The following DLGAP5 variants were observed in gnomAD, a reference collection of about 807,000 sequenced individuals.
The protein encoded by DLGAP5 is DLG associated protein 5.
DLGAP5 carries 90 observed loss-of-function variants against 99.6 expected under a neutral mutation model. That is an observed-to-expected ratio of 0.90 (90% CI 0.76 to 1.08). The LOEUF (loss-of-function observed/expected upper bound fraction) is 1.08, where lower values mean the gene tolerates loss of function less well. DLGAP5 is among the 50% of genes least tolerant of loss of function. DLGAP5 has a pLI of 0.00. For missense variants in DLGAP5, 1,036 were observed against 983.5 expected (o/e 1.05, Z -0.71); for synonymous variants, 311 against 321.3 (o/e 0.97, Z 0.34).
chr14:55,152,770 G>T, intron 15 of DLGAP5, 123 bp from the exon 16 acceptor site: 1 of 734,804 alleles, frequency 1.4e-6, no homozygotes, highest in Non-Finnish European at 2.1e-6. Flanking sequence ...GGAGCCTGGT[G>T]CAAGATCAGG....
At chr14:55,188,273 T>C (rs1002368092) in intron 2 of DLGAP5, among the ~76,000 whole-genome samples, 1 of 152,188 alleles carries the variant, frequency 6.6e-6, no homozygotes, top group African/African-American at 2.4e-5. Context: ...TTCTGTAGCA[T>C]CCTTTGCCTT....
chr14:55,176,119 G>A (rs1317471360), intron 8 of DLGAP5, 101 bp from the exon 9 acceptor site: 1 of 1,060,456 alleles, frequency 9.4e-7, no homozygotes, highest in East Asian at 2.5e-5. Flanking sequence ...GGCTAAAATA[G>A]AAATGTTTCT....
At chr14:55,181,372 G>T in intron 4 of DLGAP5, 75 bp from the exon 5 acceptor site, 1 of 1,217,772 alleles carries the variant, frequency 8.2e-7, no homozygotes, top group South Asian at 1.4e-5. Context: ...TCTGTAAATT[G>T]ATTCCTCATA....
At chr14:55,150,945 T>C in intron 17 of DLGAP5, 97 bp from the exon 18 acceptor site, 1 of 767,802 alleles carries the variant, frequency 1.3e-6, no homozygotes, top group South Asian at 1.7e-5. Context: ...AAGTTCCACA[T>C]ATCAAATGCT....
chr14:55,164,618 C>A (rs1305417124), intron 12 of DLGAP5, among the ~76,000 whole-genome samples: 2 of 151,200 alleles, frequency 1.3e-5, no homozygotes, highest in African/African-American at 2.4e-5. Context: ...GTCAAAATCA[C>A]AACATAAAAG....
intron 12 of DLGAP5, among the ~76,000 whole-genome samples, chr14:55,168,190 T>C (rs1312182307): frequency 6.6e-6 from 1 of 152,144 alleles, no homozygotes; most frequent in Non-Finnish European, 1.5e-5. Flanking sequence ...TGGGCTCAAG[T>C]GATCCTCCCA....
chr14:55,151,209 C>T (rs1882005393), intron 17 of DLGAP5, among the ~76,000 whole-genome samples: 1 of 152,218 alleles, frequency 6.6e-6, no homozygotes, highest in Admixed American at 6.5e-5. Flanking sequence ...AAAACTGGCA[C>T]ACATTATAAC....
intron 2 of DLGAP5, among the ~76,000 whole-genome samples, chr14:55,187,691 C>T (rs7159490): frequency 0.17 from 26,235 of 151,454 alleles, 3,425 homozygotes; most frequent in African/African-American, 0.37. Context: ...AGTGACTTTT[C>T]ACAGGCACCA....
Position 55,173,900 on chromosome 14 carries a change from CCTGTAATAA to C in DLGAP5, c.1301+1437_1301+1445del, listed in dbSNP as rs1358950060. On this transcript the variant is annotated intron_variant, in intron 10 of 18. Coordinates refer to ENST00000247191, the MANE Select transcript of DLGAP5 (RefSeq NM_014750.5). Reference sequence around the variant, plus strand: ...AGGAGGATGTATGTCACCTCAGGACCCTGTAATAACTGTATTAACTGCACAAATTGTACA... The same window carrying C: ...AGGAGGATGTATGTCACCTCAGGACCCTGTATTAACTGCACAAATTGTACA... Among the ~76,000 whole-genome samples the C allele has an allele frequency of 4.6e-5, 7 of 152,144 alleles. No individual in the cohort carries two copies. The East Asian group carries it at 1.2e-3, about 25-fold the overall frequency.
At chr14:55,154,587 T>TA (rs1401693182) in intron 15 of DLGAP5, 30 bp downstream of exon 15, 1 of 1,575,516 alleles carries the variant, frequency 6.3e-7, no homozygotes, top group African/African-American at 1.3e-5. Flanking sequence ...CAGCAACTGT[T>TA]AAACTCTTAT....
At position 55,148,369 on chromosome 14, in the gene DLGAP5, T is replaced by C. The variant is rs1469263538; in HGVS notation, c.2523A>G (p.Leu841=). Residue 841 remains leucine, a synonymous_variant, in exon 19 of 19, where the codon CTA becomes CTG. Coordinates refer to ENST00000247191, the MANE Select transcript of DLGAP5 (RefSeq NM_014750.5). ...TTTAAATTCAAAATTCTCCTGGTTGTAGAGGTGAAAAAGTAATCAGGTTAC... is the reference window on the plus strand; with the variant it reads ...TTTAAATTCAAAATTCTCCTGGTTGCAGAGGTGAAAAAGTAATCAGGTTAC... The part of the protein sequence containing the change: ...FGGNLITFSP[L]QPGEF The C allele has an allele frequency of 6.2e-7, 1 of 1,614,014 alleles. No homozygotes were observed. The highest frequency in any genetic ancestry group is 2.2e-5 in the East Asian group (1 of 44,872).
Position 55,175,451 on chromosome 14 carries a change from T to C in DLGAP5, c.1196A>G (p.Glu399Gly), listed in dbSNP as rs1385285659. Reference protein sequence around the residue: ...WHEEHVLNKNEATTKNLNGLP... With the variant: ...WHEEHVLNKNGATTKNLNGLP... Reference sequence around the variant, plus strand: ...GCCATTTAAATTTTTAGTAGTAGCTTCATTTTTATTTAAAACATGTTCTAT... The same window carrying C: ...GCCATTTAAATTTTTAGTAGTAGCTCCATTTTTATTTAAAACATGTTCTAT... Residue 399 changes from glutamate to glycine, a missense_variant, in exon 10 of 19, where the codon GAA (glutamate) becomes GGA (glycine). Coordinates refer to ENST00000247191, the MANE Select transcript of DLGAP5 (RefSeq NM_014750.5). The C allele has an allele frequency of 3.0e-6, 4 of 1,340,576 alleles. No individual in the cohort carries two copies. In the African/African-American group the frequency reaches 4.4e-5, roughly 15 times the overall value. 83.0% of individuals were successfully genotyped at this position (1,340,576 alleles called of 1,614,324 possible).
At chr14:55,176,702 G>C (rs1235903272) in intron 8 of DLGAP5, among the ~76,000 whole-genome samples, 7 of 151,952 alleles carry the variant, frequency 4.6e-5, no homozygotes, top group African/African-American at 7.3e-5. Flanking sequence ...CATTTGGCCG[G>C]GCGCGGTGGC....
chr14:55,181,270 T>C lies in DLGAP5; in HGVS notation c.523A>G (p.Ile175Val). 2.5e-6 allele frequency: 4 copies of C among 1,614,164 alleles called. No homozygotes were observed. The highest frequency in any genetic ancestry group is 3.4e-6 in the Non-Finnish European group (4 of 1,180,026). Residue 175 changes from isoleucine (I) to valine (V), a missense_variant, in exon 5 of 19, where the codon ATC becomes GTC. Transcript: ENST00000247191. ...GAAGTTTGTCTTGGACCAGGTCGGA[T>C]TGCTCGAACATCACTCTCGTTATCA... ...KIDNESDVRA[I>V]RPGPRQTSEK...
intron 13 of DLGAP5, among the ~76,000 whole-genome samples, chr14:55,160,265 C>G (rs189402104): frequency 1.9e-4 from 29 of 150,904 alleles, no homozygotes; most frequent in Non-Finnish European, 4.1e-4. Context: ...CGTGGTGGCA[C>G]ACGCCTGTAA....
At chr14:55,152,687 T>C (rs1452959349) in intron 15 of DLGAP5, 40 bp from the exon 16 acceptor site, 2 of 1,490,368 alleles carry the variant, frequency 1.3e-6, no homozygotes, top group Non-Finnish European at 1.8e-6. Flanking sequence ...CATAAACATA[T>C]TGTTATTGTT....
intron 5 of DLGAP5, among the ~76,000 whole-genome samples, 184 bp downstream of exon 5, chr14:55,181,029 C>T (rs1240324501): frequency 6.6e-6 from 1 of 152,100 alleles, no homozygotes; most frequent in Non-Finnish European, 1.5e-5. Flanking sequence ...GTGGGAGGAT[C>T]ACTTGAGCCC....
chr14:55,151,747 T>C lies in DLGAP5; in HGVS notation c.2316A>G (p.Thr772=). ...DVLMSSPEKN[T]ASQNSILEEG... ...CTTCTAAGATGCTATTTTGTGAAGC[T>C]GTATTTTTTTCAGGGCTACTCATCA... is the stretch of plus-strand genomic sequence containing the variant. The change falls in exon 17 of 19, where the codon ACA becomes ACG. Residue 772 remains threonine (T), a synonymous_variant. Transcript: ENST00000247191. The C allele has an allele frequency of 6.2e-7, 1 of 1,613,958 alleles. No individual in the cohort carries two copies. Among genetic ancestry groups the C allele is most frequent in the Admixed American group, 1.7e-5 (1 of 60,004 alleles).
At chr14:55,189,631 T>C (rs1883542719) in intron 1 of DLGAP5, among the ~76,000 whole-genome samples, 1 of 152,108 alleles carries the variant, frequency 6.6e-6, no homozygotes, top group Non-Finnish European at 1.5e-5. Flanking sequence ...ATTAGTCATA[T>C]AGGGATAATC....
Sources: gnomAD v4.1 joint callset for allele counts (sites outside exome capture counted in the v4.1 genomes callset) on GRCh38, gnomAD v4.1.1 for gene constraint, MANE v1.5 for transcripts, NCBI Gene and HGNC (gene_info 2026-07-23, HGNC 2026-07-21) for gene names.